The following TMCC1 variants were observed in gnomAD, a reference collection of about 807,000 sequenced individuals.
TMCC1 encodes transmembrane and coiled-coil domain family 1, also known as transmembrane and coiled-coil domains protein 1.
In TMCC1, 15 loss-of-function variants were observed where a neutral mutation model predicts 52.4. The observed-to-expected ratio is 0.29, with a 90% CI of 0.19 to 0.44. The LOEUF is 0.44. TMCC1 is among the 20% of genes least tolerant of loss of function. The probability of loss-of-function intolerance (pLI) is 1.00; values close to 1 mark genes in which losing one functional copy is unlikely to be tolerated. For missense variants in TMCC1, 503 were observed against 806.0 expected (o/e 0.62, Z 4.55); for synonymous variants, 279 against 301.9 (o/e 0.92, Z 0.79).
intron 2 of TMCC1, among the ~76,000 whole-genome samples, chr3:129,840,751 C>T (rs1397449249): frequency 6.6e-6 from 1 of 152,206 alleles, no homozygotes; most frequent in Non-Finnish European, 1.5e-5. Flanking sequence ...TCCCCTTCAC[C>T]TTCTGCGATG....
chr3:129,815,786 A>G (rs1051462948), intron 4 of TMCC1, among the ~76,000 whole-genome samples: 2 of 152,246 alleles, frequency 1.3e-5, no homozygotes, highest in Admixed American at 1.3e-4. Context: ...ACAGCAAAGG[A>G]AACAATCAAC....
At chr3:129,848,027 A>T (rs1490547231) in intron 2 of TMCC1, 2 of 152,156 alleles carry the variant, frequency 1.3e-5, no homozygotes, top group African/African-American at 4.8e-5. Context: ...TCAATTCTTG[A>T]GTTACAATTC....
chr3:129,742,216 GA>G (rs1050904306), intron 4 of TMCC1, among the ~76,000 whole-genome samples: 8 of 150,884 alleles, frequency 5.3e-5, no homozygotes, highest in African/African-American at 1.5e-4. Context: ...AACAACAAAA[GA>G]AAAAAAATAG....
intron 4 of TMCC1, among the ~76,000 whole-genome samples, chr3:129,761,465 C>A (rs561670382): frequency 3.3e-5 from 5 of 151,932 alleles, no homozygotes; most frequent in Non-Finnish European, 7.4e-5. Context: ...CTGGAGTGCA[C>A]TGATGCAATC....
At chr3:129,832,194 G>A (rs189496954) in intron 3 of TMCC1, among the ~76,000 whole-genome samples, 2 of 152,234 alleles carry the variant, frequency 1.3e-5, no homozygotes, top group East Asian at 1.9e-4. Context: ...TAACACAAAC[G>A]AGTTTAACTG....
intron 2 of TMCC1, among the ~76,000 whole-genome samples, chr3:129,869,681 T>C (rs976818974): frequency 6.6e-6 from 1 of 152,220 alleles, no homozygotes; most frequent in African/African-American, 2.4e-5. Flanking sequence ...TTGGGATATA[T>C]TTGTAAAGCT....
chr3:129,885,568 CAG>C (rs1326613189), intron 1 of TMCC1, among the ~76,000 whole-genome samples: 8 of 152,038 alleles, frequency 5.3e-5, no homozygotes, highest in Non-Finnish European at 8.8e-5. Context: ...TTGGGTGAGA[CAG>C]AGAGACTTCA....
At chr3:129,654,621 GC>G (rs1335899252) in intron 6 of TMCC1, among the ~76,000 whole-genome samples, 1 of 152,126 alleles carries the variant, frequency 6.6e-6, no homozygotes, top group Non-Finnish European at 1.5e-5. Flanking sequence ...TGGAATAAAA[GC>G]CCCCTTTCCC....
intron 4 of TMCC1, among the ~76,000 whole-genome samples, chr3:129,694,250 G>A (rs899054202): frequency 2.6e-5 from 4 of 152,186 alleles, no homozygotes; most frequent in South Asian, 2.1e-4. Flanking sequence ...TTACGAAAAC[G>A]TCCACACAGA....
At chr3:129,755,408 T>C (rs2052911173) in intron 4 of TMCC1, among the ~76,000 whole-genome samples, 1 of 152,148 alleles carries the variant, frequency 6.6e-6, no homozygotes, top group Non-Finnish European at 1.5e-5. Context: ...AAGTGAAAAC[T>C]ATTGATTTGT....
At chr3:129,676,042 A>G (rs2088415247) in intron 4 of TMCC1, among the ~76,000 whole-genome samples, 1 of 150,550 alleles carries the variant, frequency 6.6e-6, no homozygotes. Context: ...GTCTCAAAAA[A>G]AAAAAAAAAA....
chr3:129,716,083 A>G (rs570589956), intron 4 of TMCC1, among the ~76,000 whole-genome samples: 1 of 152,192 alleles, frequency 6.6e-6, no homozygotes, highest in African/African-American at 2.4e-5. Context: ...GAGAGACAAC[A>G]GTCTATTTAC....
At chr3:129,652,921 A>G (rs1352772740) in intron 6 of TMCC1, among the ~76,000 whole-genome samples, 1 of 152,232 alleles carries the variant, frequency 6.6e-6, no homozygotes, top group Admixed American at 6.5e-5. Context: ...CAACTGCTTC[A>G]GGCATATTTT....
intron 4 of TMCC1, among the ~76,000 whole-genome samples, chr3:129,787,089 A>G (rs966254302): frequency 3.3e-5 from 5 of 152,160 alleles, no homozygotes; most frequent in Non-Finnish European, 7.4e-5. Context: ...TTTTCTTGGA[A>G]ATATACTCTG....
At chr3:129,798,548 G>GAAAAAAAAAAAAAA (rs2056994958) in intron 4 of TMCC1, among the ~76,000 whole-genome samples, 1 of 133,658 alleles carries the variant, frequency 7.5e-6, no homozygotes, top group African/African-American at 3.1e-5. Flanking sequence ...AAAAAAAAAG[G>GAAAAAAAAAAAAAA]AAAGGAGACA....
intron 2 of TMCC1, among the ~76,000 whole-genome samples, chr3:129,856,194 C>G (rs978004964): frequency 2.0e-5 from 3 of 152,114 alleles, no homozygotes; most frequent in African/African-American, 7.2e-5. Flanking sequence ...GATAATACAA[C>G]TGTAATTTTA....
intron 4 of TMCC1, among the ~76,000 whole-genome samples, chr3:129,754,162 T>A (rs2052780813): frequency 6.6e-6 from 1 of 152,170 alleles, no homozygotes; most frequent in Admixed American, 6.5e-5. Context: ...AGCACTTAGC[T>A]ATAAACGTGA....
intron 4 of TMCC1, among the ~76,000 whole-genome samples, chr3:129,734,283 A>AT (rs2050765880): frequency 6.6e-6 from 1 of 152,238 alleles, no homozygotes; most frequent in Admixed American, 6.5e-5. Flanking sequence ...CAAAAGCATG[A>AT]TATCAAGTGA....
chr3:129,814,660 C>A (rs1180087416), intron 4 of TMCC1, among the ~76,000 whole-genome samples: 1 of 152,092 alleles, frequency 6.6e-6, no homozygotes, highest in Non-Finnish European at 1.5e-5. Context: ...AAGGAACCCA[C>A]TTCTCCTACA....
Sources: allele counts gnomAD v4.1 joint callset (sites outside exome capture counted in the v4.1 genomes callset), GRCh38; gene constraint gnomAD v4.1.1; transcripts MANE v1.5; gene names NCBI Gene and HGNC (gene_info 2026-07-23, HGNC 2026-07-21).